The following TMOD1 variants were observed in gnomAD, a reference collection of about 807,000 sequenced individuals.
TMOD1 encodes the protein tropomodulin-1.
TMOD1 carries 17 observed loss-of-function variants against 40.6 expected under a neutral mutation model. The observed-to-expected ratio is 0.42, with a 90% CI of 0.29 to 0.63. The LOEUF (loss-of-function observed/expected upper bound fraction) is 0.63, where lower values mean the gene tolerates loss of function less well. TMOD1 is among the 20% of genes least tolerant of loss of function. The pLI, the probability that TMOD1 is intolerant of heterozygous loss-of-function variation, is 0.22. For missense variants in TMOD1, 391 were observed against 447.6 expected, an observed-to-expected ratio of 0.87 and a Z score of 1.14; for synonymous variants, 181 against 175.0, an observed-to-expected ratio of 1.03 and a Z score of -0.27.
rs1830282831 is a variant in TMOD1, at chr9:97,542,062, A to G, written c.121-4123A>G. Among the ~76,000 whole-genome samples, 3 of 152,240 alleles carry G rather than the reference A, an allele frequency of 2.0e-5. No homozygotes were observed. The South Asian group carries it at 6.2e-4, about 32-fold the overall frequency. Reference sequence around the variant, plus strand: ...CTAAGAAACCATTGCCTAATCCAGAATCAGAAGGATTTATGCCTATGTTTT... The same window carrying G: ...CTAAGAAACCATTGCCTAATCCAGAGTCAGAAGGATTTATGCCTATGTTTT... On this transcript the variant is annotated intron_variant, in intron 2 of 9. Coordinates refer to ENST00000259365, the MANE Select transcript of TMOD1 (RefSeq NM_003275.4).
chr9:97,537,647 A>G (rs1488556310), intron 2 of TMOD1, among the ~76,000 whole-genome samples: 1 of 152,234 alleles, frequency 6.6e-6, no homozygotes, highest in Admixed American at 6.5e-5. Flanking sequence ...AGGTGAAGCC[A>G]CCATTTTAAA....
At chr9:97,534,749 A>T (rs1830153547) in intron 2 of TMOD1, among the ~76,000 whole-genome samples, 1 of 152,220 alleles carries the variant, frequency 6.6e-6, no homozygotes, top group Non-Finnish European at 1.5e-5. Flanking sequence ...AGGGAGAGAG[A>T]TACAGCATAG....
In TMOD1 at chr9:97,553,374, C is replaced by T; in HGVS notation, c.371C>T (p.Ser124Leu). 1 of 1,614,194 alleles carries T rather than the reference C, an allele frequency of 6.2e-7. No individual in the cohort carries two copies. Among genetic ancestry groups the T allele is most frequent in the Non-Finnish European group, 8.5e-7 (1 of 1,180,020 alleles). Residue 124 changes from serine to leucine, a missense_variant, in exon 4 of 10, where the codon TCA becomes TTA. Coordinates refer to ENST00000259365, the MANE Select transcript of TMOD1 (RefSeq NM_003275.4). The stretch of plus-strand genomic sequence containing the variant: ...CTGGAGGAAGCCTTGGCAAATGCTT[C>T]AGATGCAGAACTCTGTGACATTGCA... ...PELEEALANA[S>L]DAELCDIAAI...
At chr9:97,531,033 A>AAC (rs1830092492) in intron 2 of TMOD1, among the ~76,000 whole-genome samples, 1 of 78,254 alleles carries the variant, frequency 1.3e-5, no homozygotes. Context: ...GGTGATCCAC[A>AAC]CCCACCCCCC....
At chr9:97,539,264 C>G (rs566739342) in intron 2 of TMOD1, among the ~76,000 whole-genome samples, 1 of 152,202 alleles carries the variant, frequency 6.6e-6, no homozygotes, top group Non-Finnish European at 1.5e-5. Context: ...ACATGATCAC[C>G]AAATACTCTC....
intron 8 of TMOD1, among the ~76,000 whole-genome samples, chr9:97,589,963 T>C (rs1303740399): frequency 2.0e-5 from 3 of 152,076 alleles, no homozygotes; most frequent in African/African-American, 7.2e-5. Flanking sequence ...CCCACCATTA[T>C]CAATATACTT....
At chr9:97,503,130 G>T (rs543803221) in intron 1 of TMOD1, among the ~76,000 whole-genome samples, 3 of 152,270 alleles carry the variant, frequency 2.0e-5, no homozygotes, top group African/African-American at 7.2e-5. Flanking sequence ...TCTTCCAGAG[G>T]TGACTGCCAT....
chr9:97,579,315 A>T (rs1316997247), intron 8 of TMOD1, among the ~76,000 whole-genome samples: 1 of 152,148 alleles, frequency 6.6e-6, no homozygotes, highest in African/African-American at 2.4e-5. Flanking sequence ...ACCTCGACCG[A>T]GAGAAACTGG....
intron 9 of TMOD1, among the ~76,000 whole-genome samples, chr9:97,592,130 G>A (rs1266461802): frequency 6.6e-6 from 1 of 152,128 alleles, no homozygotes; most frequent in Non-Finnish European, 1.5e-5. Flanking sequence ...AATGAAGTTT[G>A]AGCAATCATG....
chr9:97,597,218 A>G (rs553472853), intron 9 of TMOD1, among the ~76,000 whole-genome samples: 1 of 145,798 alleles, frequency 6.9e-6, no homozygotes, highest in South Asian at 2.3e-4. Flanking sequence ...GAAAGTAAAG[A>G]CCAGACAGAA....
At chr9:97,595,258 A>T (rs190398785) in intron 9 of TMOD1, among the ~76,000 whole-genome samples, 1 of 152,330 alleles carries the variant, frequency 6.6e-6, no homozygotes, top group East Asian at 1.9e-4. Context: ...CAATTTTGAA[A>T]TGTATAATAC....
intron 2 of TMOD1, among the ~76,000 whole-genome samples, chr9:97,533,806 G>A (rs77313868): frequency 2.0e-5 from 3 of 152,296 alleles, no homozygotes; most frequent in East Asian, 1.9e-4. Flanking sequence ...GTGCAGCTTC[G>A]CTACAAGTAA....
In TMOD1 at chr9:97,502,132, G is replaced by T. The variant is rs868548975; in HGVS notation, c.-49+329G>T. Among the ~76,000 whole-genome samples the T allele has an allele frequency of 6.6e-6, 1 of 151,988 alleles. No homozygotes were observed. Among genetic ancestry groups the T allele is most frequent in the African/African-American group, 2.4e-5 (1 of 41,426 alleles). On this transcript the variant is annotated intron_variant, in intron 1 of 9. Transcript: ENST00000259365. The surrounding 1 kb of genome is among the most constrained non-coding windows in gnomAD (Gnocchi z 6.1). ...CTGGAGGAGACGGCGCCCCGGGCTG[G>T]GGTCCTGGCGGAGGGGCGCCCCCGC...
In TMOD1 at chr9:97,600,522, T is replaced by C. The variant is rs1826233432; in HGVS notation, c.*824T>C. ...ACGGCCAAATACTTTTGAAAACACC[T>C]TTCTATATTGCACAGTGGGCAAATG... On this transcript the variant is annotated 3_prime_UTR_variant, in exon 10 of 10. Coordinates refer to ENST00000259365, the MANE Select transcript of TMOD1 (RefSeq NM_003275.4). The C allele has an allele frequency of 1.0e-6, 1 of 985,786 alleles. No individual in the cohort carries two copies. Among genetic ancestry groups the C allele is most frequent in the South Asian group, 4.7e-5 (1 of 21,296 alleles). The allele number at this position is 985,786 out of a possible 1,614,324, so 61.1% of individuals were successfully genotyped here. A position where few individuals can be genotyped will look rare whatever the true frequency, so the allele number is the denominator to read the frequency against.
chr9:97,527,125 C>T (rs1424018467), intron 2 of TMOD1, among the ~76,000 whole-genome samples: 1 of 152,128 alleles, frequency 6.6e-6, no homozygotes, highest in Non-Finnish European at 1.5e-5. Flanking sequence ...TCCCCATTAG[C>T]CTGTGTTTCA....
Position 97,591,348 on chromosome 9 carries a change from G to GC in TMOD1, c.929dup (p.Thr311AsnfsTer27). ...GATTGTGAGCATGTTGGAAAAAAAC[G>GC]CAACACTTCTCAAATTCGGCTACCA... On this transcript the variant is annotated frameshift_variant, in exon 9 of 10. Transcript: ENST00000259365. LOFTEE classifies it high-confidence loss of function. 1.9e-6 allele frequency: 3 copies of GC among 1,614,134 alleles called. No homozygotes were observed. The highest frequency in any genetic ancestry group is 2.5e-6 in the Non-Finnish European group (3 of 1,180,038).
intron 8 of TMOD1, among the ~76,000 whole-genome samples, chr9:97,580,496 C>A (rs1295531189): frequency 1.3e-5 from 2 of 152,188 alleles, no homozygotes; most frequent in East Asian, 3.9e-4. Context: ...GTCCCAGCTA[C>A]TTGGGAGGCT....
chr9:97,508,981 G>T (rs1829648755), intron 1 of TMOD1, among the ~76,000 whole-genome samples: 1 of 152,214 alleles, frequency 6.6e-6, no homozygotes. Context: ...TGATGATAGA[G>T]TCAGAGATTG....
chr9:97,597,436 C>T (rs560763641), intron 9 of TMOD1, among the ~76,000 whole-genome samples: 8 of 151,042 alleles, frequency 5.3e-5, no homozygotes, highest in African/African-American at 1.5e-4. Flanking sequence ...GGGTGGCTCA[C>T]GCCTGTAATC....
Sources: allele counts gnomAD v4.1 joint callset (sites outside exome capture counted in the v4.1 genomes callset), GRCh38; gene constraint gnomAD v4.1.1; non-coding constraint Gnocchi (gnomAD v3.1); transcripts MANE v1.5; gene names NCBI Gene and HGNC (gene_info 2026-07-23, HGNC 2026-07-21).